ZNF787: variants seen among roughly 807,000 people sequenced by gnomAD.
ZNF787 encodes TTF-I-interacting peptide 20.
A neutral mutation model predicts 16.9 loss-of-function variants in ZNF787; 7 were observed. The observed-to-expected ratio is 0.42, with a 90% CI of 0.24 to 0.78. The LOEUF (loss-of-function observed/expected upper bound fraction) is 0.78. Ranked by LOEUF, ZNF787 falls within the 30% of genes least tolerant of loss-of-function variation. The pLI is 0.30. For missense variants in ZNF787, 551 were observed against 589.3 expected (o/e 0.94, Z 0.67); for synonymous variants, 345 against 270.9 (o/e 1.27, Z -2.69).
At chr19:56,102,866 A>G (rs2123409954) in intron 2 of ZNF787, 2 of 702,304 alleles carry the variant, frequency 2.8e-6, no homozygotes, top group African/African-American at 3.5e-5. Flanking sequence ...CCCAGGCTGG[A>G]GGGGCAAGGA....
At chr19:56,112,294 G>C (rs867631463) in intron 1 of ZNF787, among the ~76,000 whole-genome samples, 1 of 152,070 alleles carries the variant, frequency 6.6e-6, no homozygotes, top group Non-Finnish European at 1.5e-5. Context: ...CGAGGGTCCC[G>C]GCCTCCCTTA....
At position 56,087,464 on chromosome 19, in the gene ZNF787, C is replaced by G. The variant is rs1485858695; in HGVS notation, c.*559G>C. 1 of 152,296 alleles carries G rather than the reference C, an allele frequency of 6.6e-6. No individual in the cohort carries two copies. The highest frequency in any genetic ancestry group is 1.9e-4 in the East Asian group (1 of 5,176). 9.4% of individuals were successfully genotyped at this position (152,296 alleles called of 1,614,324 possible). ...CCCGCCTCCTGCGGCGCTGCCTCTG[C>G]TACCCGGAATCCAGGAGGGGAAGGA... On this transcript the variant is annotated 3_prime_UTR_variant, in exon 3 of 3. Transcript: ENST00000610935.
At chr19:56,116,002 A>G (rs2030126282) in intron 1 of ZNF787, among the ~76,000 whole-genome samples, 1 of 152,230 alleles carries the variant, frequency 6.6e-6, no homozygotes, top group Non-Finnish European at 1.5e-5. Flanking sequence ...GTGTCCGTGT[A>G]GGTTCATACA....
rs202243737 is a variant in ZNF787, at chr19:56,088,086, C to G, written c.1086G>C (p.Glu362Asp). 1.6e-3 allele frequency: 2,371 copies of G among 1,486,494 alleles called. 8 individuals carry two copies. Among genetic ancestry groups the G allele is most frequent in the African/African-American group, 0.013 (911 of 68,472 alleles). 92.1% of individuals were successfully genotyped at this position (1,486,494 alleles called of 1,614,324 possible). A position where few individuals can be genotyped will look rare whatever the true frequency, so the allele number is the denominator to read the frequency against. Residue 362 changes from glutamate (E) to aspartate (D), a missense_variant, in exon 3 of 3, where the codon GAG (glutamate) becomes GAC (aspartate). By Grantham distance (45) the Glu-to-Asp change is conservative. Transcript: ENST00000610935. This position sits in a 1 kb window ranked among gnomAD's most constrained non-coding sequence, Gnocchi z 8.6. ...QSYYRAGGEE[E>D]DDDDEAAGGR... is the part of the protein sequence containing the mutation. ...CGCCCGCGGCCTCGTCGTCGTCGTC[C>G]TCCTCCTCCCCGCCCGCGCGGTAGT... is the stretch of plus-strand genomic sequence containing the variant.
At chr19:56,101,177 C>T (rs1244836295) in intron 2 of ZNF787, among the ~76,000 whole-genome samples, 1 of 150,196 alleles carries the variant, frequency 6.7e-6, no homozygotes, top group African/African-American at 2.4e-5. Context: ...GGCCAACCCC[C>T]GCCACTCCAC....
intron 1 of ZNF787, among the ~76,000 whole-genome samples, chr19:56,107,172 G>T (rs1227856286): frequency 6.6e-6 from 1 of 152,206 alleles, no homozygotes; most frequent in African/African-American, 2.4e-5. Flanking sequence ...CTCTGGGTAG[G>T]TCTGACTGCT....
chr19:56,108,666 A>G (rs546906020), intron 1 of ZNF787, among the ~76,000 whole-genome samples: 74 of 152,202 alleles, frequency 4.9e-4, no homozygotes, highest in African/African-American at 1.7e-3. Flanking sequence ...CAGCTGGGTG[A>G]GCACACAAAC....
intron 1 of ZNF787, among the ~76,000 whole-genome samples, chr19:56,113,154 A>G (rs1435246974): frequency 6.6e-6 from 1 of 152,172 alleles, no homozygotes; most frequent in East Asian, 1.9e-4. Flanking sequence ...ACATGCAAGG[A>G]TGTCCTCATG....
intron 2 of ZNF787, among the ~76,000 whole-genome samples, chr19:56,099,967 G>C (rs1986029425): frequency 6.6e-6 from 1 of 152,140 alleles, no homozygotes. Flanking sequence ...AGAGGCTCAG[G>C]AGGGGACAAG....
rs375123493 is a variant in ZNF787, at chr19:56,095,787, C to G, written c.80-6695G>C. ...CCCCACTACCCTGGTTTGGACAAAACAGCTCCTACTTCAGCTGCTGGTCCT... is the reference window on the plus strand; with the variant it reads ...CCCCACTACCCTGGTTTGGACAAAAGAGCTCCTACTTCAGCTGCTGGTCCT... On this transcript the variant is annotated intron_variant, in intron 2 of 2. Coordinates refer to ENST00000610935, the MANE Select transcript of ZNF787 (RefSeq NM_001002836.4). Among the ~76,000 whole-genome samples the G allele has an allele frequency of 1.3e-4, 20 of 152,352 alleles. 1 individual carries two copies. The South Asian group carries it at 2.9e-3, about 22-fold the overall frequency.
At chr19:56,105,152 AAAT>A in intron 1 of ZNF787, among the ~76,000 whole-genome samples, 1 of 150,038 alleles carries the variant, frequency 6.7e-6, no homozygotes, top group Non-Finnish European at 1.5e-5. Flanking sequence ...TAAAATAAAT[AAAT>A]AATAAAAAAA....
Position 56,087,669 on chromosome 19 carries a change from C to G in ZNF787, c.*354G>C, listed in dbSNP as rs999265640. On this transcript the variant is annotated 3_prime_UTR_variant, in exon 3 of 3. Transcript: ENST00000610935. ...GTTTCTCCATTCCTCGCAGCACCCC[C>G]CACCCCCGCCCCGGACAACTGAGGA... The G allele has an allele frequency of 5.2e-6, 1 of 191,158 alleles. No homozygotes were observed. The highest frequency in any genetic ancestry group is 1.9e-4 in the South Asian group (1 of 5,290). The allele number at this position is 191,158 out of a possible 1,614,324, so 11.8% of individuals were successfully genotyped here. A position where few individuals can be genotyped will look rare whatever the true frequency, so the allele number is the denominator to read the frequency against.
intron 1 of ZNF787, among the ~76,000 whole-genome samples, chr19:56,104,837 C>T (rs537190283): frequency 6.6e-6 from 1 of 152,272 alleles, no homozygotes; most frequent in Non-Finnish European, 1.5e-5. Context: ...TCTTTTAAAA[C>T]AGGCTCCCTG....
chr19:56,096,756 G>A (rs1203770527), intron 2 of ZNF787, among the ~76,000 whole-genome samples: 1 of 152,076 alleles, frequency 6.6e-6, no homozygotes, highest in African/African-American at 2.4e-5. Flanking sequence ...ATAAAATAAA[G>A]AGAGATGAGG....
chr19:56,116,231 G>A (rs2030134448), intron 1 of ZNF787, among the ~76,000 whole-genome samples: 1 of 152,040 alleles, frequency 6.6e-6, no homozygotes, highest in East Asian at 1.9e-4. Flanking sequence ...CACAGGGTCA[G>A]GAGATCGAGA....
intron 1 of ZNF787, among the ~76,000 whole-genome samples, chr19:56,106,153 C>T (rs1986303955): frequency 6.6e-6 from 1 of 152,230 alleles, no homozygotes; most frequent in Admixed American, 6.5e-5. Flanking sequence ...AGCCTCTGAA[C>T]TCCTTTCCGT....
intron 1 of ZNF787, among the ~76,000 whole-genome samples, chr19:56,115,704 C>T (rs2030115324): frequency 2.0e-5 from 3 of 152,102 alleles, no homozygotes. Context: ...TCGGGGGCAT[C>T]AGCACAGCGA....
chr19:56,087,848 A>C lies in ZNF787; in HGVS notation c.*175T>G. 2 of 1,059,506 alleles carry C rather than the reference A, an allele frequency of 1.9e-6. No homozygotes were observed. Among genetic ancestry groups the C allele is most frequent in the Non-Finnish European group, 2.4e-6 (2 of 827,568 alleles). 65.6% of individuals were successfully genotyped at this position (1,059,506 alleles called of 1,614,324 possible). On this transcript the variant is annotated 3_prime_UTR_variant, in exon 3 of 3. Coordinates refer to ENST00000610935, the MANE Select transcript of ZNF787 (RefSeq NM_001002836.4). Reference sequence around the variant, plus strand: ...CGAGGCGGAGAAGTGAACGGGCCCTAATACGCCCCAGTGCCCCCCCACGGA... The same window carrying C: ...CGAGGCGGAGAAGTGAACGGGCCCTCATACGCCCCAGTGCCCCCCCACGGA...
chr19:56,096,313 G>A (rs1374260585), intron 2 of ZNF787, among the ~76,000 whole-genome samples: 2 of 152,188 alleles, frequency 1.3e-5, no homozygotes, highest in African/African-American at 4.8e-5. Context: ...CAGCTACTCA[G>A]GAGGCTGAGG....
Sources: gnomAD v4.1 joint callset for allele counts (sites outside exome capture counted in the v4.1 genomes callset) on GRCh38, gnomAD v4.1.1 for gene constraint, Gnocchi (gnomAD v3.1) non-coding constraint, MANE v1.5 for transcripts, NCBI Gene and HGNC (gene_info 2026-07-23, HGNC 2026-07-21) for gene names.